The following IL16 variants were observed in gnomAD, a reference collection of about 807,000 sequenced individuals.
IL16 encodes the protein interleukin 16.
A neutral mutation model predicts 110.1 loss-of-function variants in IL16; 67 were observed. The observed-to-expected ratio is 0.61, with a 90% CI of 0.50 to 0.75. IL16 has a LOEUF of 0.75. Ranked by LOEUF, IL16 falls within the 30% of genes least tolerant of loss-of-function variation. The pLI, the probability that IL16 is intolerant of heterozygous loss-of-function variation, is 0.00. For synonymous variants in IL16, 689 were observed against 662.9 expected (o/e 1.04, Z -0.61); for missense variants, 1,545 against 1,655.0 (o/e 0.93, Z 1.15).
intron 12 of IL16, chr15:81,295,493 G>A: frequency 7.8e-7 from 1 of 1,289,708 alleles, no homozygotes; most frequent in South Asian, 1.2e-5. Context: ...AATGTCAACA[G>A]ATGTCAACTT....
intron 3 of IL16, among the ~76,000 whole-genome samples, chr15:81,262,689 T>C (rs1242960027): frequency 6.6e-6 from 1 of 152,122 alleles, no homozygotes; most frequent in East Asian, 1.9e-4. Context: ...CCCAGCACTT[T>C]GGGAGGCCGA....
In IL16 at chr15:81,303,760, C is replaced by A; in HGVS notation, c.3420+110C>A. ...TGCTGGGGAAATGAAGAATGCATGA[C>A]ACTAGGCCACTGGGCAGGTCCTGTC... On this transcript the variant is annotated intron_variant, in intron 16 of 18. Transcript: ENST00000683961. The surrounding 1 kb of genome is among the most constrained non-coding windows in gnomAD (Gnocchi z 4.1). 1 of 731,774 alleles carries A rather than the reference C, an allele frequency of 1.4e-6. No individual in the cohort carries two copies. Among genetic ancestry groups the A allele is most frequent in the Non-Finnish European group, 2.4e-6 (1 of 408,578 alleles). 45.3% of individuals were successfully genotyped at this position (731,774 alleles called of 1,614,324 possible). A position where few individuals can be genotyped will look rare whatever the true frequency, so the allele number is the denominator to read the frequency against.
chr15:81,251,683 C>T (rs1352546209), intron 2 of IL16, among the ~76,000 whole-genome samples: 1 of 152,204 alleles, frequency 6.6e-6, no homozygotes. Context: ...TGTAGACTAA[C>T]TAGATTCTTA....
At chr15:81,218,150 ATATGAGAT>A (rs1896494535) in intron 1 of IL16, among the ~76,000 whole-genome samples, 1 of 152,208 alleles carries the variant, frequency 6.6e-6, no homozygotes, top group African/African-American at 2.4e-5. Context: ...ATTAGAATTA[ATATGAGAT>A]CTGCAAGTTT....
chr15:81,198,854 T>C (rs1895696660), intron 1 of IL16, among the ~76,000 whole-genome samples: 2 of 150,570 alleles, frequency 1.3e-5, no homozygotes, highest in African/African-American at 2.5e-5. Flanking sequence ...ACCCTGTTTC[T>C]ACTAAAAATA....
At chr15:81,268,362 C>T (rs948875498) in intron 4 of IL16, among the ~76,000 whole-genome samples, 2 of 152,278 alleles carry the variant, frequency 1.3e-5, no homozygotes, top group African/African-American at 4.8e-5. Flanking sequence ...GGAGTACAAC[C>T]CAAAGAGCTA....
chr15:81,216,673 C>CAGG (rs1310596376), intron 1 of IL16, among the ~76,000 whole-genome samples: 4 of 146,406 alleles, frequency 2.7e-5, no homozygotes, highest in Admixed American at 1.3e-4. Context: ...GCAGCAGCAG[C>CAGG]AGGAGGAGGA....
chr15:81,212,140 T>G (rs896522307), intron 1 of IL16, among the ~76,000 whole-genome samples: 2 of 152,030 alleles, frequency 1.3e-5, no homozygotes, highest in Non-Finnish European at 2.9e-5. Flanking sequence ...CTTTTTTTTT[T>G]GGTTGACAGG....
chr15:81,266,290 T>C (rs1435137773), intron 4 of IL16, among the ~76,000 whole-genome samples: 2 of 152,232 alleles, frequency 1.3e-5, no homozygotes, highest in African/African-American at 4.8e-5. Flanking sequence ...TCTAGTGACC[T>C]GCTTTACCAA....
chr15:81,240,870 C>T (rs1394795075), intron 2 of IL16, among the ~76,000 whole-genome samples: 1 of 152,026 alleles, frequency 6.6e-6, no homozygotes, highest in Non-Finnish European at 1.5e-5. Flanking sequence ...GTTACCATTT[C>T]CTAAAGTAAT....
intron 11 of IL16, 27 bp from the exon 12 acceptor site, chr15:81,292,529 G>A (rs766285754): frequency 6.2e-7 from 1 of 1,611,826 alleles, no homozygotes. Flanking sequence ...GCTCAGCTGT[G>A]AAGATTCTCT....
intron 2 of IL16, among the ~76,000 whole-genome samples, chr15:81,242,115 A>G (rs920934835): frequency 6.6e-6 from 1 of 152,114 alleles, no homozygotes; most frequent in African/African-American, 2.4e-5. Context: ...TCTCTTACCA[A>G]ATATCACACA....
rs1271908756 is a variant in IL16 at position 81,313,165 on chromosome 15, G to A, written c.*4367G>A. 7 of 1,392,470 alleles carry A rather than the reference G, an allele frequency of 5.0e-6. No individual in the cohort carries two copies. The highest frequency in any genetic ancestry group is 6.7e-6 in the Non-Finnish European group (7 of 1,049,542). The allele number at this position is 1,392,470 out of a possible 1,614,324, so 86.3% of individuals were successfully genotyped here. A position where few individuals can be genotyped will look rare whatever the true frequency, so the allele number is the denominator to read the frequency against. ...AGCTTGTTCCAAAGAGTGAACACAGGCCTCTGCGTGCTCCCAGGCTCCTTG... is the reference window on the plus strand; with the variant it reads ...AGCTTGTTCCAAAGAGTGAACACAGACCTCTGCGTGCTCCCAGGCTCCTTG... On this transcript the variant is annotated 3_prime_UTR_variant, in exon 19 of 19. Transcript: ENST00000683961.
At chr15:81,273,909 G>A (rs930039905) in intron 6 of IL16, among the ~76,000 whole-genome samples, 6 of 152,072 alleles carry the variant, frequency 3.9e-5, no homozygotes, top group African/African-American at 1.2e-4. Flanking sequence ...TTCTTGTCCT[G>A]TAGAGTCAGG....
chr15:81,214,017 G>T (rs975232655), intron 1 of IL16, among the ~76,000 whole-genome samples: 3 of 119,046 alleles, frequency 2.5e-5, no homozygotes, highest in Admixed American at 8.2e-5. Context: ...GCTTAAGTGT[G>T]CATTTTGTTT....
intron 2 of IL16, among the ~76,000 whole-genome samples, chr15:81,231,877 A>G (rs1274076251): frequency 1.3e-5 from 2 of 152,094 alleles, no homozygotes; most frequent in African/African-American, 2.4e-5. Flanking sequence ...TAGCAGTGTC[A>G]TCTCTCTTAT....
At chr15:81,301,731 T>G (rs535343788) in intron 15 of IL16, among the ~76,000 whole-genome samples, 1 of 152,322 alleles carries the variant, frequency 6.6e-6, no homozygotes, top group African/African-American at 2.4e-5. Flanking sequence ...ATTGACTTCT[T>G]GCATCTTCTT....
At chr15:81,249,915 C>A (rs561829080) in intron 2 of IL16, among the ~76,000 whole-genome samples, 82 of 152,170 alleles carry the variant, frequency 5.4e-4, no homozygotes, top group Non-Finnish European at 2.4e-4. Context: ...ATTCTTTCAT[C>A]CTCTCTTTAA....
chr15:81,241,638 T>G (rs1362377573), intron 2 of IL16, among the ~76,000 whole-genome samples: 15 of 152,118 alleles, frequency 9.9e-5, no homozygotes, highest in Admixed American at 8.5e-4. Context: ...ATTAAACATT[T>G]TATTTTGCAA....
Sources: allele counts gnomAD v4.1 joint callset (sites outside exome capture counted in the v4.1 genomes callset), GRCh38; gene constraint gnomAD v4.1.1; non-coding constraint Gnocchi (gnomAD v3.1); transcripts MANE v1.5; gene names NCBI Gene and HGNC (gene_info 2026-07-23, HGNC 2026-07-21).